Variants in MYCBPAP observed in about 807,000 individuals in gnomAD.
MYCBPAP encodes the protein MYCBP-associated protein.
Under a neutral mutation model 106.1 loss-of-function variants are expected in MYCBPAP, and 60 were observed. The ratio of observed to expected loss-of-function variants is 0.57; its 90% CI spans 0.46 to 0.70. The LOEUF (loss-of-function observed/expected upper bound fraction) is 0.70. Among genes scored for constraint, MYCBPAP ranks in the 30% least tolerant of loss-of-function variants. The probability of loss-of-function intolerance (pLI) is 0.00; values close to 1 mark genes in which losing one functional copy is unlikely to be tolerated. For synonymous variants in MYCBPAP, 407 were observed against 440.6 expected, an observed-to-expected ratio of 0.92 and a Z score of 0.95; for missense variants, 1,064 against 1,169.3, an observed-to-expected ratio of 0.91 and a Z score of 1.31.
At chr17:50,524,245 TGGGA>T (rs1203986708) in intron 12 of MYCBPAP, among the ~76,000 whole-genome samples, 1 of 152,100 alleles carries the variant, frequency 6.6e-6, no homozygotes, top group African/African-American at 2.4e-5. Flanking sequence ...GAGTGTGAGG[TGGGA>T]GCTTGGAATC....
intron 1 of MYCBPAP, chr17:50,510,495 G>GTATATA (rs1320539341): frequency 9.5e-4 from 88 of 93,004 alleles, no homozygotes; most frequent in Admixed American, 1.6e-3. Context: ...GTGTGTGTGT[G>GTATATA]TGTGTATATA....
At chr17:50,513,287 C>T (rs1182300988) in intron 1 of MYCBPAP, among the ~76,000 whole-genome samples, 8 of 149,518 alleles carry the variant, frequency 5.4e-5, no homozygotes, top group Admixed American at 6.7e-5. Context: ...CTCGGGAGGC[C>T]GAGGCAGGAG....
chr17:50,526,958 G>A (rs6504670), intron 14 of MYCBPAP, among the ~76,000 whole-genome samples: 109,887 of 152,018 alleles, frequency 0.72, 40,086 homozygotes, highest in East Asian at 0.87. Flanking sequence ...CAGGTGATCC[G>A]CCCGCCTCAG....
rs773842426 is a variant in MYCBPAP, at chr17:50,519,678, C to T, written c.807C>T (p.Tyr269=). The T allele has an allele frequency of 1.2e-6, 2 of 1,614,094 alleles. No individual in the cohort carries two copies. The highest frequency in any genetic ancestry group is 2.7e-5 in the African/African-American group (2 of 75,026). ...ENSGFWSRLE[Y]LGDEMTGLVM... ...GTGGGTTCTGGAGTCGACTGGAATA[C>T]TTGGGAGATGAGATGACAGGTCTGG... Residue 269 remains tyrosine (Y), a synonymous_variant, in exon 7 of 19, where the codon TAC becomes TAT. Transcript: ENST00000323776.
chr17:50,520,639 G>A (rs1429667080), intron 7 of MYCBPAP, among the ~76,000 whole-genome samples: 1 of 152,140 alleles, frequency 6.6e-6, no homozygotes, highest in Admixed American at 6.5e-5. Flanking sequence ...TTGTGCTTGT[G>A]GTTTGCATTC....
At position 50,517,330 on chromosome 17, in the gene MYCBPAP, G is replaced by T. The variant is rs61749930; in HGVS notation, c.242G>T (p.Arg81Leu). Residue 81 changes from arginine (R) to leucine (L), a missense_variant, in exon 3 of 19, where the codon CGT becomes CTT. Arg to Leu is a moderately radical substitution (Grantham distance 102). Coordinates refer to ENST00000323776, the MANE Select transcript of MYCBPAP (RefSeq NM_032133.6). ...IPRLTEKEDK[R>L]VITQKFIIRK... ...CGCCTTACTGAAAAGGAAGATAAAC[G>T]TGTCATCACCCAGAAATTTATCATC... 3 of 1,614,076 alleles carry T rather than the reference G, an allele frequency of 1.9e-6. No homozygotes were observed. The highest frequency in any genetic ancestry group is 2.5e-6 in the Non-Finnish European group (3 of 1,180,012).
intron 12 of MYCBPAP, 22 bp downstream of exon 12, chr17:50,523,806 C>T (rs954508252): frequency 6.2e-7 from 1 of 1,600,018 alleles, no homozygotes; most frequent in East Asian, 2.2e-5. Context: ...AGGACCATGG[C>T]CCCTGTGGAC....
chr17:50,511,060 G>GA (rs5820815), intron 1 of MYCBPAP, among the ~76,000 whole-genome samples: 84,589 of 151,420 alleles, frequency 0.56, 24,710 homozygotes, highest in African/African-American at 0.74. Context: ...AGTGAGGAGG[G>GA]AAAAAAAATG....
chr17:50,519,130 C>G, intron 6 of MYCBPAP, 41 bp downstream of exon 6: 1 of 1,167,414 alleles, frequency 8.6e-7, no homozygotes, highest in Non-Finnish European at 1.2e-6. Flanking sequence ...CAGGGGGGTC[C>G]ATGGAGGAGG....
In MYCBPAP at chr17:50,517,592, C is replaced by T; in HGVS notation, c.365-3C>T. ...TTTCCCCTTTCTTCTTTTATCCTCCCAGGTCCCGGTGACAGCTTCGATGGC... is the reference window on the plus strand; with the variant it reads ...TTTCCCCTTTCTTCTTTTATCCTCCTAGGTCCCGGTGACAGCTTCGATGGC... On this transcript the variant is annotated splice_region_variant and splice_polypyrimidine_tract_variant and intron_variant, in intron 3 of 18. Transcript: ENST00000323776. The T allele has an allele frequency of 6.2e-7, 1 of 1,614,126 alleles. No individual in the cohort carries two copies. The highest frequency in any genetic ancestry group is 8.5e-7 in the Non-Finnish European group (1 of 1,180,008).
Position 50,516,721 on chromosome 17 carries a change from C to T in MYCBPAP, c.204+24C>T, listed in dbSNP as rs746039276. The T allele has an allele frequency of 2.5e-6, 4 of 1,612,930 alleles. No individual in the cohort carries two copies. The South Asian group carries it at 3.3e-5, about 13-fold the overall frequency. ...AGGTGAGGATGAAGCCCAAGCTTCC[C>T]TTACCATAGAAACGTTTCCCTGCCG... is the stretch of plus-strand genomic sequence containing the variant. On this transcript the variant is annotated intron_variant, in intron 2 of 18. Coordinates refer to ENST00000323776, the MANE Select transcript of MYCBPAP (RefSeq NM_032133.6).
intron 10 of MYCBPAP, 137 bp from the exon 11 acceptor site, chr17:50,522,802 A>G: frequency 2.8e-6 from 2 of 708,744 alleles, no homozygotes; most frequent in Non-Finnish European, 4.6e-6. Context: ...ACTCTGTGTG[A>G]CAGTGGCCAA....
chr17:50,529,907 TTTTG>T (rs1250708581), intron 18 of MYCBPAP: 4 of 446,366 alleles, frequency 9.0e-6, no homozygotes, highest in South Asian at 1.6e-5. Flanking sequence ...AGGTTTTCCG[TTTTG>T]TTTGTTAGTG....
intron 6 of MYCBPAP, chr17:50,519,363 C>T (rs1405315419): frequency 3.4e-6 from 2 of 586,102 alleles, no homozygotes; most frequent in East Asian, 5.7e-5. Context: ...GGAGCCTACA[C>T]CCTAAAGAGA....
chr17:50,516,529 G>T, intron 1 of MYCBPAP, 41 bp from the exon 2 acceptor site: 1 of 1,604,418 alleles, frequency 6.2e-7, no homozygotes, highest in Non-Finnish European at 8.5e-7. Flanking sequence ...ATATACAGAA[G>T]GAGCTCTTTA....
rs776950645 is a variant in MYCBPAP, at chr17:50,529,227, A to G, written c.2724+39A>G. 6.9e-6 allele frequency: 11 copies of G among 1,582,860 alleles called. No individual in the cohort carries two copies. The Admixed American group carries it at 1.2e-4, about 17-fold the overall frequency. ...CCCAGCAGCCATTCCCCTGCCTCCCACCTGCCTTATTCATTCCGTTCAGTC... is the reference window on the plus strand; with the variant it reads ...CCCAGCAGCCATTCCCCTGCCTCCCGCCTGCCTTATTCATTCCGTTCAGTC... On this transcript the variant is annotated intron_variant, in intron 18 of 18. Transcript: ENST00000323776.
Position 50,528,781 on chromosome 17 carries a change from A to C in MYCBPAP, c.2494A>C (p.Lys832Gln), listed in dbSNP as rs200008766. 4.2e-5 allele frequency: 68 copies of C among 1,614,000 alleles called. No homozygotes were observed. Among genetic ancestry groups the C allele is most frequent in the Admixed American group, 6.7e-5 (4 of 60,006 alleles). Residue 832 changes from lysine (K) to glutamine (Q), a missense_variant, in exon 17 of 19, where the codon AAG becomes CAG. Transcript: ENST00000323776. ...GCGGAAAGGAGCAGCCCAGGAAAAG[A>C]AGCAACTGGGGATCAAAGACAAAGA... ...EERKGAAQEKKQLGIKDKEDK... is the reference protein window; with the variant it reads ...EERKGAAQEKQQLGIKDKEDK...
rs778779727 is a variant in MYCBPAP at position 50,517,272 on chromosome 17, CTTTGT to C, written c.205-17_205-13del. 2 of 1,612,824 alleles carry C rather than the reference CTTTGT, an allele frequency of 1.2e-6. No homozygotes were observed. Among genetic ancestry groups the C allele is most frequent in the Admixed American group, 1.7e-5 (1 of 60,020 alleles). ...TCCTGCCACCACAGGTGGAATTCTC[CTTTGT>C]TTTATTTCTTTTTAGCAACACATTC... On this transcript the variant is annotated splice_polypyrimidine_tract_variant and intron_variant, in intron 2 of 18. Transcript: ENST00000323776.
rs144696972 is a variant in MYCBPAP, at chr17:50,529,922, T to G, written c.2724+734T>G. Reference sequence around the variant, plus strand: ...AGGTTTTCCGTTTTGTTTGTTAGTGTTGTTGTTTGTTTTGGAGGGGAGGTC... The same window carrying G: ...AGGTTTTCCGTTTTGTTTGTTAGTGGTGTTGTTTGTTTTGGAGGGGAGGTC... On this transcript the variant is annotated intron_variant, in intron 18 of 18. Coordinates refer to ENST00000323776, the MANE Select transcript of MYCBPAP (RefSeq NM_032133.6). 442 of 440,560 alleles carry G rather than the reference T, an allele frequency of 1.0e-3. 1 individual carries two copies. The highest frequency in any genetic ancestry group is 8.1e-3 in the African/African-American group (401 of 49,656). The allele number at this position is 440,560 out of a possible 1,614,324, so 27.3% of individuals were successfully genotyped here. A position where few individuals can be genotyped will look rare whatever the true frequency, so the allele number is the denominator to read the frequency against.
Sources: gnomAD v4.1 joint callset for allele counts (sites outside exome capture counted in the v4.1 genomes callset) on GRCh38, gnomAD v4.1.1 for gene constraint, MANE v1.5 for transcripts, NCBI Gene and HGNC (gene_info 2026-07-23, HGNC 2026-07-21) for gene names.